The following CHN2 variants were observed in gnomAD, a reference collection of about 807,000 sequenced individuals.
CHN2 encodes beta-chimaerin.
Under a neutral mutation model 56.3 loss-of-function variants are expected in CHN2, and 35 were observed. That is an observed-to-expected ratio of 0.62 (90% CI 0.47 to 0.82). The LOEUF (loss-of-function observed/expected upper bound fraction) is 0.82, where lower values mean the gene tolerates loss of function less well. CHN2 is among the 40% of genes least tolerant of loss of function. The probability of loss-of-function intolerance (pLI) is 0.00; values close to 1 mark genes in which losing one functional copy is unlikely to be tolerated. For synonymous variants in CHN2, 210 were observed against 212.8 expected (o/e 0.99, Z 0.12); for missense variants, 491 against 580.5 (o/e 0.85, Z 1.58).
At chr7:29,230,920 A>G (rs1786646685) in intron 1 of CHN2, among the ~76,000 whole-genome samples, 1 of 152,150 alleles carries the variant, frequency 6.6e-6, no homozygotes, top group Non-Finnish European at 1.5e-5. Flanking sequence ...CCAGGTGTAT[A>G]ATCAGTTTGC....
chr7:29,311,574 A>G (rs1455857059), intron 1 of CHN2, among the ~76,000 whole-genome samples: 1 of 152,240 alleles, frequency 6.6e-6, no homozygotes, highest in Non-Finnish European at 1.5e-5. Flanking sequence ...AATAAGATTC[A>G]GGTTCAAACA....
intron 1 of CHN2, chr7:29,195,212 G>GC (rs902621322): frequency 2.1e-6 from 1 of 472,478 alleles, no homozygotes; most frequent in African/African-American, 2.1e-5. Flanking sequence ...GAGCGGTGGT[G>GC]CCCTTAGTGT....
At chr7:29,241,371 G>C (rs1383335170) in intron 1 of CHN2, among the ~76,000 whole-genome samples, 1 of 152,110 alleles carries the variant, frequency 6.6e-6, no homozygotes, top group Non-Finnish European at 1.5e-5. Context: ...CTGGCCTTTG[G>C]AATCTCAGTT....
At chr7:29,403,054 T>C (rs566338700) in intron 6 of CHN2, among the ~76,000 whole-genome samples, 1 of 152,264 alleles carries the variant, frequency 6.6e-6, no homozygotes, top group African/African-American at 2.4e-5. Flanking sequence ...GTGGATTTTC[T>C]TGGACACTAA....
At chr7:29,397,650 A>G (rs1425889929) in intron 4 of CHN2, 1 of 152,184 alleles carries the variant, frequency 6.6e-6, no homozygotes, top group African/African-American at 2.4e-5. Flanking sequence ...ACCTCTCCCT[A>G]TTCCTCTGTG....
At chr7:29,342,116 G>A (rs10951217) in intron 1 of CHN2, among the ~76,000 whole-genome samples, 1 of 151,580 alleles carries the variant, frequency 6.6e-6, no homozygotes, top group African/African-American at 2.4e-5. Context: ...CTGGATCTGC[G>A]TTGGTCGCAG....
chr7:29,497,230 A>G (rs1789400390), intron 8 of CHN2, among the ~76,000 whole-genome samples: 1 of 152,248 alleles, frequency 6.6e-6, no homozygotes, highest in Non-Finnish European at 1.5e-5. Flanking sequence ...CTGACTTGCC[A>G]GGAGCCACAA....
chr7:29,399,124 C>CG (rs1325695983), intron 5 of CHN2, among the ~76,000 whole-genome samples: 1 of 152,266 alleles, frequency 6.6e-6, no homozygotes, highest in East Asian at 1.9e-4. Context: ...CAGATGCTAT[C>CG]GGTAGGTGTG....
chr7:29,504,891 C>A, intron 10 of CHN2, 70 bp downstream of exon 10: 2 of 1,104,842 alleles, frequency 1.8e-6, no homozygotes, highest in Non-Finnish European at 2.7e-6. Flanking sequence ...AGGTTTTAAT[C>A]ATAGTAGAAA....
At chr7:29,211,861 G>A (rs192818933) in intron 1 of CHN2, among the ~76,000 whole-genome samples, 3 of 152,176 alleles carry the variant, frequency 2.0e-5, no homozygotes, top group Admixed American at 2.0e-4. Flanking sequence ...TCCCTACAGT[G>A]GGCTTTTATT....
rs775520400 is a variant in CHN2, at chr7:29,504,781, C to T, written c.951C>T (p.Phe317=). 8 of 1,612,658 alleles carry T rather than the reference C, an allele frequency of 5.0e-6. No homozygotes were observed. The South Asian group carries it at 6.6e-5, about 13-fold the overall frequency. The change falls in exon 10 of 13, where the codon TTC becomes TTT. Residue 317 remains phenylalanine, a synonymous_variant. Transcript: ENST00000222792. ...KSEGLYRVSG[F]TEHIEDVKMA... ...AAGGCCTTTACAGAGTCTCTGGGTTCACTGAACACATTGAAGATGTCAAAA... is the reference window on the plus strand; with the variant it reads ...AAGGCCTTTACAGAGTCTCTGGGTTTACTGAACACATTGAAGATGTCAAAA...
At chr7:29,510,083 G>C (rs931773247) in intron 12 of CHN2, among the ~76,000 whole-genome samples, 1 of 152,102 alleles carries the variant, frequency 6.6e-6, no homozygotes, top group Non-Finnish European at 1.5e-5. Flanking sequence ...AGGCTCCTGA[G>C]ACTGCCTGCC....
chr7:29,339,577 G>A (rs1221762673), intron 1 of CHN2, among the ~76,000 whole-genome samples: 2 of 152,176 alleles, frequency 1.3e-5, no homozygotes, highest in African/African-American at 4.8e-5. Context: ...TGCTAGCCGG[G>A]CACGGTGGCT....
At chr7:29,187,316 A>G (rs182282655) in intron 2 of CHN2, among the ~76,000 whole-genome samples, 109 of 152,098 alleles carry the variant, frequency 7.2e-4, no homozygotes, top group Middle Eastern at 3.4e-3. Flanking sequence ...GTAAGACATT[A>G]TCATCTAGTG....
intron 1 of CHN2, among the ~76,000 whole-genome samples, chr7:29,336,709 A>G (rs1206037298): frequency 6.8e-6 from 1 of 146,370 alleles, no homozygotes; most frequent in Non-Finnish European, 1.5e-5. Context: ...ACAATGAACC[A>G]TGATTGTGCC....
chr7:29,254,234 A>C (rs1255156032), intron 1 of CHN2, among the ~76,000 whole-genome samples: 1 of 152,176 alleles, frequency 6.6e-6, no homozygotes, highest in African/African-American at 2.4e-5. Context: ...GATAAGCTCT[A>C]TGAAGGCAGG....
intron 6 of CHN2, among the ~76,000 whole-genome samples, chr7:29,411,971 G>C (rs1803259953): frequency 6.6e-6 from 1 of 152,162 alleles, no homozygotes; most frequent in Non-Finnish European, 1.5e-5. Flanking sequence ...GAACCCACCT[G>C]TCAGCTCCCT....
chr7:29,370,407 A>G (rs1234547651), intron 3 of CHN2, among the ~76,000 whole-genome samples: 1 of 152,188 alleles, frequency 6.6e-6, no homozygotes, highest in Non-Finnish European at 1.5e-5. Flanking sequence ...ATTTACATAA[A>G]GCAGTAAAGG....
intron 9 of CHN2, among the ~76,000 whole-genome samples, chr7:29,504,130 G>A (rs1156378767): frequency 3.3e-5 from 5 of 152,094 alleles, no homozygotes; most frequent in Admixed American, 2.0e-4. Context: ...AAGTAAACAT[G>A]AAAGGCTGTA....
Sources: allele counts gnomAD v4.1 joint callset (sites outside exome capture counted in the v4.1 genomes callset), GRCh38; gene constraint gnomAD v4.1.1; transcripts MANE v1.5; gene names NCBI Gene and HGNC (gene_info 2026-07-23, HGNC 2026-07-21).